Variants in ERBB4 observed in about 807,000 individuals in gnomAD.
ERBB4 encodes the protein erb-b2 receptor tyrosine kinase 4.
Under a neutral mutation model 158.0 loss-of-function variants are expected in ERBB4, and 42 were observed. The ratio of observed to expected loss-of-function variants is 0.27; its 90% CI spans 0.21 to 0.34. The LOEUF is 0.34. ERBB4 is among the 10% of genes least tolerant of loss of function. The probability of loss-of-function intolerance (pLI) is 1.00; values close to 1 mark genes in which losing one functional copy is unlikely to be tolerated. For missense variants in ERBB4, 1,333 were observed against 1,624.1 expected (o/e 0.82, Z 3.08); for synonymous variants, 583 against 558.7 (o/e 1.04, Z -0.61).
At chr2:212,285,199 C>G (rs112185954) in intron 1 of ERBB4, among the ~76,000 whole-genome samples, 1 of 152,218 alleles carries the variant, frequency 6.6e-6, no homozygotes, top group African/African-American at 2.4e-5. Flanking sequence ...GATAATCATT[C>G]AGCACTATGG....
chr2:211,850,955 C>T (rs961505081), intron 3 of ERBB4, among the ~76,000 whole-genome samples: 2 of 151,824 alleles, frequency 1.3e-5, no homozygotes, highest in East Asian at 3.9e-4. Flanking sequence ...ACATTTGGAC[C>T]TTGCAATTTG....
intron 1 of ERBB4, among the ~76,000 whole-genome samples, chr2:212,358,884 A>G (rs1180959619): frequency 6.6e-6 from 1 of 151,798 alleles, no homozygotes; most frequent in Non-Finnish European, 1.5e-5. Flanking sequence ...TATACAATAT[A>G]TGAAAAAAGA....
At chr2:211,594,461 A>AC (rs2068571892) in intron 19 of ERBB4, among the ~76,000 whole-genome samples, 1 of 152,060 alleles carries the variant, frequency 6.6e-6, no homozygotes, top group Admixed American at 6.5e-5. Context: ...AAATAAAAAA[A>AC]AAAAACTAAG....
chr2:211,959,565 T>C (rs1475369353), intron 2 of ERBB4, among the ~76,000 whole-genome samples: 2 of 152,146 alleles, frequency 1.3e-5, no homozygotes, highest in Non-Finnish European at 2.9e-5. Context: ...GTGTTTGTCT[T>C]CAGGACTTTC....
At chr2:212,467,494 A>T (rs550717319) in intron 1 of ERBB4, among the ~76,000 whole-genome samples, 2 of 152,318 alleles carry the variant, frequency 1.3e-5, no homozygotes, top group Non-Finnish European at 2.9e-5. Flanking sequence ...TCAGGCTGTG[A>T]CTTCAGAGGG....
At chr2:211,738,739 T>C (rs2106175753) in intron 5 of ERBB4, among the ~76,000 whole-genome samples, 1 of 151,856 alleles carries the variant, frequency 6.6e-6, no homozygotes, top group East Asian at 1.9e-4. Context: ...TGATCTTGGC[T>C]CACTGCAACC....
intron 6 of ERBB4, 88 bp downstream of exon 6, chr2:211,724,988 T>C (rs1489203457): frequency 2.9e-6 from 3 of 1,031,240 alleles, no homozygotes; most frequent in African/African-American, 1.6e-5. Context: ...GTTGATCTGA[T>C]TGTAATAAGA....
Position 211,987,341 on chromosome 2 carries a change from A to AAAAAAAAAAAAAAAAAAG in ERBB4, c.235-39726_235-39725insCTTTTTTTTTTTTTTTTT, listed in dbSNP as rs1215048952. On this transcript the variant is annotated intron_variant, in intron 2 of 27. Transcript: ENST00000342788. ...ATCTCAAGAAAAGACAAAAAAAAAA[A>AAAAAAAAAAAAAAAAAAG]AAAGAAAGAAATCTATCACCCATGA... is the stretch of plus-strand genomic sequence containing the variant. Among the ~76,000 whole-genome samples, 214 of 124,424 alleles carry AAAAAAAAAAAAAAAAAAG rather than the reference A, an allele frequency of 1.7e-3. 2 individuals are homozygous for AAAAAAAAAAAAAAAAAAG. Among genetic ancestry groups the AAAAAAAAAAAAAAAAAAG allele is most frequent in the South Asian group, 2.3e-3 (8 of 3,554 alleles). The allele number at this position is 124,424 out of a possible 152,430, so 81.6% of individuals were successfully genotyped here. A position where few individuals can be genotyped will look rare whatever the true frequency, so the allele number is the denominator to read the frequency against.
At chr2:212,531,086 T>G (rs1223013837) in intron 1 of ERBB4, among the ~76,000 whole-genome samples, 2 of 152,172 alleles carry the variant, frequency 1.3e-5, no homozygotes, top group Non-Finnish European at 2.9e-5. Flanking sequence ...GTGTTACTTC[T>G]CATGGGAGAG....
intron 2 of ERBB4, among the ~76,000 whole-genome samples, chr2:211,980,833 AT>A (rs1260154918): frequency 6.6e-6 from 1 of 152,160 alleles, no homozygotes; most frequent in East Asian, 1.9e-4. Flanking sequence ...ATAATTAAAT[AT>A]AGTATAAGGA....
intron 7 of ERBB4, among the ~76,000 whole-genome samples, chr2:211,717,257 C>G (rs2106104222): frequency 6.6e-6 from 1 of 152,196 alleles, no homozygotes; most frequent in East Asian, 1.9e-4. Context: ...TACTGCCAAG[C>G]CCTCAGTTTT....
At position 211,561,092 on chromosome 2, in the gene ERBB4, C is replaced by G. The variant is rs192299885; in HGVS notation, c.2487+811G>C. ...AATAGAAAATTATCAAGATAGATATCTGGTATAGATAATCATAGATATTTG... is the reference window on the plus strand; with the variant it reads ...AATAGAAAATTATCAAGATAGATATGTGGTATAGATAATCATAGATATTTG... On this transcript the variant is annotated intron_variant, in intron 20 of 27. Transcript: ENST00000342788. Among the ~76,000 whole-genome samples the G allele has an allele frequency of 2.5e-3, 385 of 152,120 alleles. 1 individual carries two copies. Among genetic ancestry groups the G allele is most frequent in the Non-Finnish European group, 4.2e-3 (284 of 68,012 alleles).
In ERBB4 at chr2:212,097,181, G is replaced by A. The variant is rs550304520; in HGVS notation, c.234+27571C>T. Reference sequence around the variant, plus strand: ...GTGTAGAGACTGGGGTTTTCATGTAGGGACAAGCAGGAGAGTCAACAGTCA... The same window carrying A: ...GTGTAGAGACTGGGGTTTTCATGTAAGGACAAGCAGGAGAGTCAACAGTCA... On this transcript the variant is annotated intron_variant, in intron 2 of 27. Transcript: ENST00000342788. Among the ~76,000 whole-genome samples, 127 of 152,126 alleles carry A rather than the reference G, an allele frequency of 8.3e-4. 1 individual carries two copies. Among genetic ancestry groups the A allele is most frequent in the African/African-American group, 2.8e-3 (115 of 41,496 alleles).
At chr2:211,696,381 G>C (rs553891447) in intron 12 of ERBB4, among the ~76,000 whole-genome samples, 11 of 152,194 alleles carry the variant, frequency 7.2e-5, no homozygotes, top group African/African-American at 2.4e-4. Flanking sequence ...AAAGTGCTAG[G>C]ATTACAGGTT....
In ERBB4 at chr2:211,517,691, C is replaced by T. The variant is rs186917847; in HGVS notation, c.2487+44212G>A. 3.3e-5 allele frequency among the ~76,000 whole-genome samples: 5 copies of T among 152,086 alleles called. No homozygotes were observed. The South Asian group carries it at 6.2e-4, about 19-fold the overall frequency. ...GAAATTTGTACAAATTACAAGAAAG[C>T]GAATCACTGTGCTTACATAAATTAC... is the stretch of plus-strand genomic sequence containing the variant. On this transcript the variant is annotated intron_variant, in intron 20 of 27. Transcript: ENST00000342788.
intron 3 of ERBB4, among the ~76,000 whole-genome samples, chr2:211,911,561 C>T (rs937629663): frequency 2.0e-5 from 3 of 152,154 alleles, no homozygotes; most frequent in Admixed American, 2.0e-4. Flanking sequence ...CCACCATGCC[C>T]AGCCTACTTT....
At chr2:211,703,784 C>T (rs1338572105) in intron 11 of ERBB4, among the ~76,000 whole-genome samples, 1 of 152,152 alleles carries the variant, frequency 6.6e-6, no homozygotes, top group East Asian at 1.9e-4. Context: ...ATTAACAAGT[C>T]ACACAACTCT....
At position 211,701,989 on chromosome 2, in the gene ERBB4, G is replaced by T; in HGVS notation, c.1467C>A (p.Asp489Glu). The T allele has an allele frequency of 6.2e-7, 1 of 1,613,586 alleles. No individual in the cohort carries two copies. Among genetic ancestry groups the T allele is most frequent in the Non-Finnish European group, 8.5e-7 (1 of 1,179,582 alleles). ...STINQRIVIR[D>E]NRKAENCTAE... ...TACTACAATTTTCAGCTTTTCTGTT[G>T]TCCCGGATTACTATTCTCTGGTTGA... The change falls in exon 12 of 28, where the codon GAC becomes GAA. Residue 489 changes from aspartate (D) to glutamate (E), a missense_variant. Physicochemically the swap from Asp to Glu is conservative, Grantham distance 45 (BLOSUM62 2). Coordinates refer to ENST00000342788, the MANE Select transcript of ERBB4 (RefSeq NM_005235.3).
chr2:211,486,989 CT>C (rs1038936977), intron 20 of ERBB4, among the ~76,000 whole-genome samples: 44 of 150,820 alleles, frequency 2.9e-4, no homozygotes, highest in Admixed American at 8.6e-4. Flanking sequence ...ATGTTTTTTT[CT>C]TTTTTTTGTA....
Sources: gnomAD v4.1 joint callset for allele counts (sites outside exome capture counted in the v4.1 genomes callset) on GRCh38, gnomAD v4.1.1 for gene constraint, MANE v1.5 for transcripts, NCBI Gene and HGNC (gene_info 2026-07-23, HGNC 2026-07-21) for gene names.